Variants in RAD54L2 observed in about 807,000 individuals in gnomAD.
The protein encoded by RAD54L2 is RAD54 like 2.
RAD54L2 carries 27 observed loss-of-function variants against 138.4 expected under a neutral mutation model. That is an observed-to-expected ratio of 0.20 (90% CI 0.14 to 0.27). The LOEUF (loss-of-function observed/expected upper bound fraction) is 0.27, where lower values mean the gene tolerates loss of function less well. RAD54L2 is among the 10% of genes least tolerant of loss of function. RAD54L2 has a pLI of 1.00. For missense variants in RAD54L2, 1,396 were observed against 1,890.2 expected (o/e 0.74, Z 4.85); for synonymous variants, 644 against 723.2 (o/e 0.89, Z 1.76).
intron 21 of RAD54L2, among the ~76,000 whole-genome samples, chr3:51,659,824 G>A (rs977885355): frequency 6.6e-6 from 1 of 152,220 alleles, no homozygotes; most frequent in Admixed American, 6.5e-5. Context: ...GCACATGGTA[G>A]TCATGTAATC....
At chr3:51,598,149 A>ATGTGTGTG (rs778223606) in intron 3 of RAD54L2, among the ~76,000 whole-genome samples, 2 of 128,442 alleles carry the variant, frequency 1.6e-5, no homozygotes, top group Non-Finnish European at 3.4e-5. Context: ...GTATATATAT[A>ATGTGTGTG]TGTGTGTGTG....
At position 51,656,054 on chromosome 3, in the gene RAD54L2, A is replaced by G. The variant is rs775239145; in HGVS notation, c.3110A>G (p.His1037Arg). 1.2e-6 allele frequency: 2 copies of G among 1,613,968 alleles called. No individual in the cohort carries two copies. Among genetic ancestry groups the G allele is most frequent in the Non-Finnish European group, 1.7e-6 (2 of 1,179,852 alleles). The change falls in exon 20 of 23, where the codon CAT becomes CGT. Residue 1037 changes from histidine to arginine, a missense_variant. His to Arg is a conservative substitution (Grantham distance 29, BLOSUM62 0). Coordinates refer to ENST00000684192, the MANE Select transcript of RAD54L2 (RefSeq NM_015106.4). ...QSTPIPMMPR[H>R]VPLGGSVSSA... ...ACCCCCATCCCCATGATGCCCCGGC[A>G]TGTCCCATTGGGAGGAAGTGTAAGC...
chr3:51,607,454 CAGA>C (rs1261777804), intron 3 of RAD54L2, among the ~76,000 whole-genome samples: 1 of 152,220 alleles, frequency 6.6e-6, no homozygotes, highest in African/African-American at 2.4e-5. Flanking sequence ...CATCCCAAGG[CAGA>C]AGAACTTTTC....
At chr3:51,582,715 G>C (rs1484267348) in intron 2 of RAD54L2, among the ~76,000 whole-genome samples, 1 of 152,034 alleles carries the variant, frequency 6.6e-6, no homozygotes, top group African/African-American at 2.4e-5. Flanking sequence ...TAATCCTGTA[G>C]GGGTGTGCTA....
chr3:51,623,548 G>T (rs1316375281), intron 3 of RAD54L2, among the ~76,000 whole-genome samples: 3 of 152,152 alleles, frequency 2.0e-5, no homozygotes, highest in Admixed American at 1.3e-4. Flanking sequence ...AGAGCTACAG[G>T]ATTTAAAGCC....
intron 20 of RAD54L2, among the ~76,000 whole-genome samples, chr3:51,657,297 T>G (rs1384484875): frequency 5.9e-5 from 9 of 152,150 alleles, no homozygotes; most frequent in Admixed American, 5.9e-4. Flanking sequence ...CTAAAACATT[T>G]TTCACACCAA....
At chr3:51,588,926 G>GCTTC (rs950336502) in intron 2 of RAD54L2, among the ~76,000 whole-genome samples, 32 of 152,154 alleles carry the variant, frequency 2.1e-4, no homozygotes, top group Non-Finnish European at 4.4e-4. Context: ...TGTCTTTACG[G>GCTTC]CTTCCTTCCT....
intron 2 of RAD54L2, among the ~76,000 whole-genome samples, chr3:51,579,745 CAA>C (rs1264547064): frequency 6.6e-6 from 1 of 151,952 alleles, no homozygotes; most frequent in African/African-American, 2.4e-5. Context: ...CACAGGCAAA[CAA>C]AAAAGTTAAA....
intron 4 of RAD54L2, among the ~76,000 whole-genome samples, chr3:51,628,290 C>T (rs1700741480): frequency 1.3e-5 from 2 of 151,854 alleles, no homozygotes; most frequent in Non-Finnish European, 2.9e-5. Flanking sequence ...TCTCCTCCTG[C>T]CTCCACTTAA....
intron 15 of RAD54L2, among the ~76,000 whole-genome samples, chr3:51,642,764 A>G (rs1701172680): frequency 6.6e-6 from 1 of 152,140 alleles, no homozygotes; most frequent in Admixed American, 6.6e-5. Context: ...CTGGAGGTTC[A>G]GGGAGTAGCA....
intron 2 of RAD54L2, among the ~76,000 whole-genome samples, chr3:51,577,654 A>T (rs1209879460): frequency 2.6e-5 from 4 of 152,106 alleles, no homozygotes; most frequent in Non-Finnish European, 4.4e-5. Flanking sequence ...TTTATCAGAG[A>T]CTAGGATTGC....
intron 3 of RAD54L2, among the ~76,000 whole-genome samples, chr3:51,598,351 C>A (rs962656369): frequency 1.3e-5 from 2 of 152,062 alleles, no homozygotes; most frequent in Non-Finnish European, 2.9e-5. Flanking sequence ...AATTCCAAAC[C>A]CTCCTTTCTA....
intron 2 of RAD54L2, among the ~76,000 whole-genome samples, chr3:51,589,902 A>G (rs1370985069): frequency 1.3e-5 from 2 of 152,166 alleles, no homozygotes; most frequent in Admixed American, 1.3e-4. Context: ...CATGTCTCAG[A>G]GCCAGAACAC....
intron 4 of RAD54L2, among the ~76,000 whole-genome samples, 161 bp downstream of exon 4, chr3:51,627,915 A>C (rs1052244298): frequency 1.3e-5 from 2 of 152,234 alleles, no homozygotes; most frequent in Non-Finnish European, 2.9e-5. Context: ...GGTGCAGCTC[A>C]GGATCACTGG....
At chr3:51,568,581 A>G (rs1008384976) in intron 2 of RAD54L2, among the ~76,000 whole-genome samples, 12 of 152,112 alleles carry the variant, frequency 7.9e-5, no homozygotes, top group Non-Finnish European at 1.6e-4. Context: ...GCCAACTGTT[A>G]TAGGTTGACA....
rs890401359 is a variant in RAD54L2 at position 51,665,714 on chromosome 3, C to A, written c.*2294C>A. 6.6e-6 allele frequency: 1 copy of A among 152,208 alleles called. No homozygotes were observed. Among genetic ancestry groups the A allele is most frequent in the Non-Finnish European group, 1.5e-5 (1 of 68,050 alleles). 9.4% of individuals were successfully genotyped at this position (152,208 alleles called of 1,614,324 possible). On this transcript the variant is annotated 3_prime_UTR_variant, in exon 23 of 23. Coordinates refer to ENST00000684192, the MANE Select transcript of RAD54L2 (RefSeq NM_015106.4). ...GCAGTAGGAGTGAGCTAGACTGAAT[C>A]TCCAATTTATGGGACACACTCAGAA... is the stretch of plus-strand genomic sequence containing the variant.
chr3:51,572,173 G>C (rs1559621149), intron 2 of RAD54L2, among the ~76,000 whole-genome samples: 1 of 152,174 alleles, frequency 6.6e-6, no homozygotes, highest in Non-Finnish European at 1.5e-5. Context: ...ATCTGGCCAG[G>C]CATGTTGGCT....
intron 3 of RAD54L2, among the ~76,000 whole-genome samples, chr3:51,593,591 C>T (rs1699887873): frequency 6.6e-6 from 1 of 152,178 alleles, no homozygotes; most frequent in South Asian, 2.1e-4. Context: ...CTCGGCCTCC[C>T]AAAGTGCTGG....
At chr3:51,603,224 A>C (rs77784632) in intron 3 of RAD54L2, among the ~76,000 whole-genome samples, 12 of 151,536 alleles carry the variant, frequency 7.9e-5, no homozygotes, top group South Asian at 2.1e-4. Flanking sequence ...TGGGAGGATC[A>C]CTTGAGCCAG....
Sources: gnomAD v4.1 joint callset for allele counts (sites outside exome capture counted in the v4.1 genomes callset) on GRCh38, gnomAD v4.1.1 for gene constraint, MANE v1.5 for transcripts, NCBI Gene and HGNC (gene_info 2026-07-23, HGNC 2026-07-21) for gene names.